Variants in MACROD2 observed in about 807,000 individuals in gnomAD.
MACROD2 encodes mono-ADP ribosylhydrolase 2.
In MACROD2, 36 loss-of-function variants were observed where a neutral mutation model predicts 70.4. That is an observed-to-expected ratio of 0.51 (90% CI 0.39 to 0.68). The LOEUF (loss-of-function observed/expected upper bound fraction) is 0.68, where lower values mean the gene tolerates loss of function less well. Among genes scored for constraint, MACROD2 ranks in the 30% least tolerant of loss-of-function variants. MACROD2 has a pLI of 0.00. For missense variants in MACROD2, 496 were observed against 538.4 expected (o/e 0.92, Z 0.78); for synonymous variants, 172 against 178.8 (o/e 0.96, Z 0.30).
chr20:14,027,263 T>C (rs1270878041), intron 2 of MACROD2, among the ~76,000 whole-genome samples: 2 of 152,144 alleles, frequency 1.3e-5, no homozygotes, highest in Non-Finnish European at 2.9e-5. Context: ...CTATTGATAC[T>C]TGTATATGCT....
intron 5 of MACROD2, among the ~76,000 whole-genome samples, chr20:15,151,406 G>A (rs1006069110): frequency 9.2e-5 from 14 of 152,066 alleles, no homozygotes; most frequent in Non-Finnish European, 1.3e-4. Context: ...GTGGAGGCAA[G>A]GAATTGCAAC....
At chr20:15,469,983 C>G (rs1006704698) in intron 7 of MACROD2, among the ~76,000 whole-genome samples, 1 of 152,178 alleles carries the variant, frequency 6.6e-6, no homozygotes, top group African/African-American at 2.4e-5. Context: ...GTCAACTTGA[C>G]AATTCTATAG....
intron 8 of MACROD2, among the ~76,000 whole-genome samples, chr20:15,679,586 T>C (rs2146855135): frequency 6.6e-6 from 1 of 152,324 alleles, no homozygotes; most frequent in Middle Eastern, 3.4e-3. Flanking sequence ...TAAGGTGGTG[T>C]AGCAGCTTCT....
chr20:14,207,292 G>T (rs549197323), intron 3 of MACROD2, among the ~76,000 whole-genome samples: 3 of 152,138 alleles, frequency 2.0e-5, no homozygotes, highest in Admixed American at 6.5e-5. Context: ...AGTAGAGACG[G>T]GGTTTCACCA....
intron 2 of MACROD2, among the ~76,000 whole-genome samples, chr20:14,071,280 A>C (rs1164018783): frequency 7.7e-5 from 1 of 12,970 alleles, no homozygotes; most frequent in African/African-American, 1.8e-4. Flanking sequence ...TTTTTTTTTG[A>C]GATGGAGTCT....
intron 8 of MACROD2, among the ~76,000 whole-genome samples, chr20:15,806,468 C>G (rs569867885): frequency 6.6e-6 from 1 of 152,158 alleles, no homozygotes; most frequent in Non-Finnish European, 1.5e-5. Flanking sequence ...GCTCCCCTGA[C>G]TTTTACAGCT....
intron 5 of MACROD2, among the ~76,000 whole-genome samples, chr20:14,922,575 T>C (rs1600828196): frequency 6.6e-6 from 1 of 152,304 alleles, no homozygotes; most frequent in East Asian, 1.9e-4. Context: ...CTTTTTTGGA[T>C]CTTAACCTTT....
intron 2 of MACROD2, among the ~76,000 whole-genome samples, chr20:14,016,100 A>G (rs2052986974): frequency 6.6e-6 from 1 of 152,162 alleles, no homozygotes; most frequent in African/African-American, 2.4e-5. Flanking sequence ...TGCTATTCCC[A>G]CCACCAATGC....
intron 8 of MACROD2, among the ~76,000 whole-genome samples, chr20:15,729,806 G>A (rs1205617616): frequency 7.5e-6 from 1 of 133,806 alleles, no homozygotes; most frequent in Non-Finnish European, 1.6e-5. Context: ...TGGGTGTCTT[G>A]AACACAGCAT....
intron 3 of MACROD2, among the ~76,000 whole-genome samples, chr20:14,231,995 T>G (rs1003724629): frequency 2.0e-5 from 3 of 152,214 alleles, no homozygotes; most frequent in African/African-American, 7.2e-5. Flanking sequence ...TTGTTTGTTT[T>G]TTTTCTTGTA....
At chr20:15,929,885 A>C (rs905089078) in intron 10 of MACROD2, among the ~76,000 whole-genome samples, 2 of 152,206 alleles carry the variant, frequency 1.3e-5, no homozygotes, top group African/African-American at 4.8e-5. Flanking sequence ...TGGTTGAAAG[A>C]GTAGGAGGCA....
At chr20:14,582,457 G>A (rs1441481276) in intron 4 of MACROD2, among the ~76,000 whole-genome samples, 1 of 152,010 alleles carries the variant, frequency 6.6e-6, no homozygotes, top group African/African-American at 2.4e-5. Context: ...TCCCAGCAGC[G>A]TGACCTAGAT....
chr20:16,017,580 C>G (rs891387399), intron 15 of MACROD2, among the ~76,000 whole-genome samples: 3 of 152,196 alleles, frequency 2.0e-5, no homozygotes, highest in Non-Finnish European at 4.4e-5. Context: ...CTTTCTCTCC[C>G]TCCTTCTCCA....
intron 7 of MACROD2, among the ~76,000 whole-genome samples, chr20:15,439,204 C>T (rs934187939): frequency 1.3e-5 from 2 of 152,126 alleles, no homozygotes; most frequent in Admixed American, 6.6e-5. Flanking sequence ...CTGACTTCTC[C>T]GAATGTACCC....
At chr20:14,647,380 G>A (rs1046481403) in intron 4 of MACROD2, among the ~76,000 whole-genome samples, 2 of 151,912 alleles carry the variant, frequency 1.3e-5, no homozygotes, top group African/African-American at 4.8e-5. Context: ...ATTGTTTTTG[G>A]GTACACATGT....
intron 2 of MACROD2, among the ~76,000 whole-genome samples, chr20:14,032,766 C>CT (rs925557080): frequency 6.6e-6 from 1 of 152,136 alleles, no homozygotes; most frequent in Non-Finnish European, 1.5e-5. Flanking sequence ...TCTGCCACTT[C>CT]TTTGGGAATA....
At chr20:15,806,032 G>C (rs2063766127) in intron 8 of MACROD2, among the ~76,000 whole-genome samples, 1 of 152,182 alleles carries the variant, frequency 6.6e-6, no homozygotes, top group Non-Finnish European at 1.5e-5. Flanking sequence ...TTCTCCAAAA[G>C]AACAGACCCT....
chr20:15,131,119 T>C (rs1283473578), intron 5 of MACROD2, among the ~76,000 whole-genome samples: 2 of 152,054 alleles, frequency 1.3e-5, no homozygotes, highest in East Asian at 3.9e-4. Context: ...TCAAAAAGAA[T>C]TGACCCGTAT....
intron 5 of MACROD2, among the ~76,000 whole-genome samples, chr20:14,858,582 A>C (rs1243888385): frequency 6.6e-6 from 1 of 152,122 alleles, no homozygotes; most frequent in African/African-American, 2.4e-5. Context: ...ATTATCCTTT[A>C]ACATCCAGAC....
Sources: gnomAD v4.1 joint callset for allele counts (sites outside exome capture counted in the v4.1 genomes callset) on GRCh38, gnomAD v4.1.1 for gene constraint, MANE v1.5 for transcripts, NCBI Gene and HGNC (gene_info 2026-07-23, HGNC 2026-07-21) for gene names.